The following HYCC2 variants were observed in gnomAD, a reference collection of about 807,000 sequenced individuals.
HYCC2 encodes hyccin PI4KA lipid kinase complex subunit 2.
At chr2:200,978,547 C>G in the HYCC2 span, 2 of 136,552 alleles carry the variant, frequency 1.5e-5, no homozygotes, top group Admixed American at 1.7e-4. Context: ...GCATTCTTGG[C>G]TCACTGCAAC....
the HYCC2 span, among the ~76,000 whole-genome samples, chr2:201,028,808 T>C: frequency 4.6e-5 from 7 of 152,094 alleles, no homozygotes; most frequent in Non-Finnish European, 1.0e-4. Flanking sequence ...TATACAAAAA[T>C]TAATTCAAGA....
the HYCC2 span, among the ~76,000 whole-genome samples, chr2:201,062,063 C>T: frequency 6.6e-6 from 1 of 151,936 alleles, no homozygotes; most frequent in African/African-American, 2.4e-5. Context: ...CACGATCACA[C>T]AACTGCACTC....
the HYCC2 span, among the ~76,000 whole-genome samples, chr2:200,993,860 G>A: frequency 2.4e-3 from 370 of 151,930 alleles, 1 homozygote; most frequent in Non-Finnish European, 4.5e-3. Flanking sequence ...GGTGGCGGGT[G>A]CCTGTAGTCC....
chr2:200,995,142 G>A, the HYCC2 span, among the ~76,000 whole-genome samples: 1 of 152,108 alleles, frequency 6.6e-6, no homozygotes, highest in African/African-American at 2.4e-5. Flanking sequence ...GGGAGTAAGT[G>A]CTTAAGTAGC....
At chr2:201,038,457 G>A in the HYCC2 span, among the ~76,000 whole-genome samples, 5 of 152,108 alleles carry the variant, frequency 3.3e-5, no homozygotes, top group East Asian at 1.9e-4. Context: ...TGTTTACTGC[G>A]GCACTATTCA....
chr2:200,983,054 G>A, the HYCC2 span, among the ~76,000 whole-genome samples: 2 of 152,116 alleles, frequency 1.3e-5, no homozygotes, highest in Non-Finnish European at 2.9e-5. Flanking sequence ...CACCGCGCCC[G>A]GCCAACAACA....
At chr2:201,035,248 G>A in the HYCC2 span, among the ~76,000 whole-genome samples, 8 of 152,116 alleles carry the variant, frequency 5.3e-5, no homozygotes, top group East Asian at 1.9e-4. Context: ...CCAATCAGAC[G>A]TAGATTTGGT....
the HYCC2 span, chr2:201,021,791 A>G: frequency 3.4e-6 from 1 of 293,852 alleles, no homozygotes; most frequent in East Asian, 8.7e-5. Context: ...TTATTCAAAC[A>G]AAGAATTCTG....
At chr2:200,990,476 A>G in the HYCC2 span, among the ~76,000 whole-genome samples, 6 of 152,226 alleles carry the variant, frequency 3.9e-5, no homozygotes, top group South Asian at 1.0e-3. Flanking sequence ...ATCTCAGCCT[A>G]CTGCAACCTC....
chr2:201,042,651 C>T, the HYCC2 span, among the ~76,000 whole-genome samples: 3 of 149,806 alleles, frequency 2.0e-5, no homozygotes, highest in Non-Finnish European at 4.5e-5. Flanking sequence ...CCGCCCCATC[C>T]GGGAAGTGAG....
chr2:200,987,668 G>T, the HYCC2 span: 1 of 536,064 alleles, frequency 1.9e-6, no homozygotes, highest in Non-Finnish European at 2.9e-6. Context: ...TTACATGTGT[G>T]TGCATGCTGT....
the HYCC2 span, among the ~76,000 whole-genome samples, chr2:201,053,732 A>G: frequency 6.6e-6 from 1 of 152,292 alleles, no homozygotes; most frequent in South Asian, 2.1e-4. Context: ...TGGGAGGCTG[A>G]GGCGGGTGGA....
the HYCC2 span, among the ~76,000 whole-genome samples, chr2:200,990,491 T>A: frequency 6.6e-6 from 1 of 152,038 alleles, no homozygotes; most frequent in Non-Finnish European, 1.5e-5. Flanking sequence ...AACCTCTGCC[T>A]CCCAGGTTCA....
the HYCC2 span, among the ~76,000 whole-genome samples, chr2:201,027,548 C>T: frequency 6.6e-6 from 1 of 152,052 alleles, no homozygotes; most frequent in Non-Finnish European, 1.5e-5. Context: ...TGATGAACAT[C>T]GATGCAAAAA....
the HYCC2 span, among the ~76,000 whole-genome samples, chr2:200,990,830 C>T: frequency 6.6e-6 from 1 of 152,182 alleles, no homozygotes; most frequent in African/African-American, 2.4e-5. Context: ...CTCGGCCTCC[C>T]GAAGTGCTGG....
the HYCC2 span, among the ~76,000 whole-genome samples, chr2:201,011,975 G>A: frequency 6.6e-6 from 1 of 152,160 alleles, no homozygotes; most frequent in South Asian, 2.1e-4. Context: ...ATATATTTAT[G>A]GCATAAAACA....
chr2:201,004,758 G>C, the HYCC2 span, among the ~76,000 whole-genome samples: 1 of 152,226 alleles, frequency 6.6e-6, no homozygotes, highest in Admixed American at 6.5e-5. Flanking sequence ...GCTCACGCCT[G>C]TAATCCCTCG....
chr2:200,987,261 G>A, the HYCC2 span: 1 of 1,058,166 alleles, frequency 9.5e-7, no homozygotes, highest in Non-Finnish European at 1.2e-6. Flanking sequence ...TGGGGTACTA[G>A]AAACACACAT....
At chr2:201,019,131 G>A in the HYCC2 span, among the ~76,000 whole-genome samples, 1 of 152,120 alleles carries the variant, frequency 6.6e-6, no homozygotes, top group African/African-American at 2.4e-5. Flanking sequence ...GTAAAAAACT[G>A]TTGCTCTCAC....
Sources: gnomAD v4.1 joint callset for allele counts (sites outside exome capture counted in the v4.1 genomes callset) on GRCh38, gnomAD v4.1.1 for gene constraint, MANE v1.5 for transcripts, NCBI Gene and HGNC (gene_info 2026-07-23, HGNC 2026-07-21) for gene names.